Variants in NDUFA10 observed in about 807,000 individuals in gnomAD.
The protein encoded by NDUFA10 is NADH:ubiquinone oxidoreductase subunit A10.
Under a neutral mutation model 47.8 loss-of-function variants are expected in NDUFA10, and 40 were observed. The ratio of observed to expected loss-of-function variants is 0.84; its 90% CI spans 0.65 to 1.09. NDUFA10 has a LOEUF of 1.09. NDUFA10 is among the 50% of genes least tolerant of loss of function. NDUFA10 has a pLI of 0.00. For missense variants in NDUFA10, 413 were observed against 451.1 expected (o/e 0.92, Z 0.76); for synonymous variants, 183 against 172.2 (o/e 1.06, Z -0.49).
intron 9 of NDUFA10, among the ~76,000 whole-genome samples, chr2:239,970,959 G>A (rs1308307934): frequency 6.6e-6 from 1 of 152,190 alleles, no homozygotes; most frequent in African/African-American, 2.4e-5. Context: ...CCTATCCAGG[G>A]TTTGGCTAAT....
chr2:239,915,935 CAGACA>C (rs2106476041), intron 4 of NDUFA10, among the ~76,000 whole-genome samples: 1 of 149,106 alleles, frequency 6.7e-6, no homozygotes, highest in Non-Finnish European at 1.5e-5. Flanking sequence ...CATACACAGA[CAGACA>C]CAGAGAGACA....
chr2:239,983,580 C>A, intron 9 of NDUFA10: 1 of 1,595,844 alleles, frequency 6.3e-7, no homozygotes, highest in East Asian at 2.3e-5. Context: ...AGAGCAGCTT[C>A]CAGTGGAGAC....
chr2:240,000,960 C>T (rs773214015), intron 8 of NDUFA10, among the ~76,000 whole-genome samples: 44 of 152,308 alleles, frequency 2.9e-4, no homozygotes, highest in Middle Eastern at 3.4e-3. Context: ...ATATCCCTGT[C>T]GTTAAGCAAC....
intron 4 of NDUFA10, among the ~76,000 whole-genome samples, chr2:239,921,470 T>G (rs1361309049): frequency 6.6e-6 from 1 of 152,160 alleles, no homozygotes; most frequent in Non-Finnish European, 1.5e-5. Flanking sequence ...CAGAGTGCCC[T>G]TTTTTCAATC....
chr2:240,025,261 G>T lies in NDUFA10; in HGVS notation c.41C>A (p.Ser14Tyr). 1 of 1,500,848 alleles carries T rather than the reference G, an allele frequency of 6.7e-7. No individual in the cohort carries two copies. The highest frequency in any genetic ancestry group is 8.9e-7 in the Non-Finnish European group (1 of 1,129,424). 93.0% of individuals were successfully genotyped at this position (1,500,848 alleles called of 1,614,324 possible). The change falls in exon 1 of 10, where the codon TCC becomes TAC. Residue 14 changes from serine to tyrosine, a missense_variant. Transcript: ENST00000252711. Reference sequence around the variant, plus strand: ...GGCGCCCGCCGCCACGACCCGGGCGGACGCGGACGTCGCTGCCAGCTTCAG... The same window carrying T: ...GGCGCCCGCCGCCACGACCCGGGCGTACGCGGACGTCGCTGCCAGCTTCAG... Reference protein sequence around the residue: ...RLLKLAATSASARVVAAGAQR... With the variant: ...RLLKLAATSAYARVVAAGAQR...
At chr2:240,007,253 G>A in intron 7 of NDUFA10, 63 bp downstream of exon 7, 2 of 1,247,918 alleles carry the variant, frequency 1.6e-6, no homozygotes, top group Non-Finnish European at 2.3e-6. Context: ...GATCTGATTT[G>A]CAAGAACCTT....
intron 4 of NDUFA10, among the ~76,000 whole-genome samples, chr2:239,938,342 G>C (rs1694302500): frequency 6.6e-6 from 1 of 152,226 alleles, no homozygotes; most frequent in African/African-American, 2.4e-5. Context: ...ATGCTGCACA[G>C]GCCCCCCTGA....
chr2:240,011,511 T>C (rs1430686215), intron 6 of NDUFA10, 106 bp downstream of exon 6: 10 of 815,650 alleles, frequency 1.2e-5, no homozygotes, highest in East Asian at 2.5e-5. Context: ...TCTCAGACAA[T>C]ATCCACTGCA....
chr2:239,981,431 GA>G (rs1695769203), intron 9 of NDUFA10, among the ~76,000 whole-genome samples: 1 of 152,220 alleles, frequency 6.6e-6, no homozygotes, highest in Non-Finnish European at 1.5e-5. Context: ...TCTACAGAGA[GA>G]AGCAATGGGG....
At position 239,928,952 on chromosome 2, in the gene NDUFA10, G is replaced by A. The variant is rs981386470; in HGVS notation, c.295-33638C>T. On this transcript the variant is annotated intron_variant, in intron 4 of 5. Coordinates refer to the NDUFA10 transcript ENST00000419408. This position sits in a 1 kb window ranked among gnomAD's most constrained non-coding sequence, Gnocchi z 4.3. ...ACCCGGATCCCACTCCCGAGGTCAG[G>A]AGCCCCCGACTCTTCCTCCTGCACC... is the stretch of plus-strand genomic sequence containing the variant. Among the ~76,000 whole-genome samples the A allele has an allele frequency of 3.0e-4, 45 of 152,256 alleles. No homozygotes were observed. The highest frequency in any genetic ancestry group is 1.9e-4 in the Non-Finnish European group (13 of 68,008).
Position 239,945,736 on chromosome 2 carries a change from T to C in NDUFA10, c.294+44338A>G, listed in dbSNP as rs780157022. Among the ~76,000 whole-genome samples, 2 of 152,216 alleles carry C rather than the reference T, an allele frequency of 1.3e-5. No individual in the cohort carries two copies. Among genetic ancestry groups the C allele is most frequent in the African/African-American group, 2.4e-5 (1 of 41,446 alleles). On this transcript the variant is annotated intron_variant, in intron 4 of 5. Coordinates refer to the NDUFA10 transcript ENST00000419408. This position sits in a 1 kb window ranked among gnomAD's most constrained non-coding sequence, Gnocchi z 4.6. ...TTGTATTTTTTAAACACACAATGAATGTGCACACCAAGAGAAGTGCTGCAG... is the reference window on the plus strand; with the variant it reads ...TTGTATTTTTTAAACACACAATGAACGTGCACACCAAGAGAAGTGCTGCAG...
chr2:240,014,882 C>A (rs543135649), intron 4 of NDUFA10, 22 bp from the exon 5 acceptor site: 2 of 1,614,012 alleles, frequency 1.2e-6, no homozygotes, highest in African/African-American at 2.7e-5. Flanking sequence ...GAGAAAGGGG[C>A]GCTGTCACCT....
intron 4 of NDUFA10, 29 bp downstream of exon 4, chr2:240,018,524 C>A: frequency 6.2e-7 from 1 of 1,614,144 alleles, no homozygotes; most frequent in Non-Finnish European, 8.5e-7. Flanking sequence ...CACCACACAC[C>A]CAGAAGTGGG....
chr2:239,943,532 GTT>G lies in NDUFA10; in HGVS notation c.294+46540_294+46541del, dbSNP rs374654075. The stretch of plus-strand genomic sequence containing the variant: ...ACAAATTTTCAAAGTGTATGGCCTT[GTT>G]TGTTTTCTGCTGGGATTATTTTTCT... On this transcript the variant is annotated intron_variant, in intron 4 of 5. Transcript: ENST00000419408. 8.1e-4 allele frequency among the ~76,000 whole-genome samples: 123 copies of G among 152,300 alleles called. 2 individuals carry two copies. In the South Asian group the frequency reaches 0.014, roughly 17 times the overall value.
chr2:240,015,669 G>A (rs576725581), intron 4 of NDUFA10, among the ~76,000 whole-genome samples: 20 of 152,200 alleles, frequency 1.3e-4, no homozygotes, highest in Non-Finnish European at 2.1e-4. Flanking sequence ...GAACCCTGCC[G>A]CTCTTCAGAG....
At chr2:239,973,406 T>C (rs980374541) in intron 9 of NDUFA10, 4 of 431,200 alleles carry the variant, frequency 9.3e-6, no homozygotes, top group East Asian at 7.0e-5. Context: ...TATTAACATA[T>C]TAAAGTTAAT....
chr2:239,911,647 G>A (rs907763047), intron 4 of NDUFA10, among the ~76,000 whole-genome samples: 3 of 147,300 alleles, frequency 2.0e-5, no homozygotes, highest in Non-Finnish European at 4.5e-5. Flanking sequence ...AGCCAGCCCA[G>A]CCCAGACACC....
chr2:239,986,319 C>A (rs1346574060), intron 9 of NDUFA10, among the ~76,000 whole-genome samples: 5 of 152,206 alleles, frequency 3.3e-5, no homozygotes, highest in African/African-American at 9.6e-5. Context: ...TGCCTGCCTG[C>A]ACCTGCCTGG....
chr2:239,932,556 C>G (rs1202264119), intron 4 of NDUFA10, among the ~76,000 whole-genome samples: 1 of 152,140 alleles, frequency 6.6e-6, no homozygotes, highest in African/African-American at 2.4e-5. Context: ...GGATAAGTTT[C>G]CAAAAGTGAA....
Sources: allele counts gnomAD v4.1 joint callset (sites outside exome capture counted in the v4.1 genomes callset), GRCh38; gene constraint gnomAD v4.1.1; non-coding constraint Gnocchi (gnomAD v3.1); transcripts MANE v1.5; gene names NCBI Gene and HGNC (gene_info 2026-07-23, HGNC 2026-07-21).